The following TCF12 variants were observed in gnomAD, a reference collection of about 807,000 sequenced individuals.
TCF12 encodes the protein transcription factor 12, also known as DNA-binding protein HTF4.
TCF12 carries 45 observed loss-of-function variants against 86.0 expected under a neutral mutation model. That is an observed-to-expected ratio of 0.52 (90% confidence interval 0.41 to 0.67). TCF12 has a LOEUF of 0.67. TCF12 is among the 30% of genes least tolerant of loss of function. The pLI is 0.00. For missense variants in TCF12, 881 were observed against 859.9 expected, an observed-to-expected ratio of 1.02 and a Z score of -0.31; for synonymous variants, 330 against 299.6, an observed-to-expected ratio of 1.10 and a Z score of -1.05.
chr15:57,185,431 A>T (rs2056610632), intron 6 of TCF12, among the ~76,000 whole-genome samples: 3 of 152,228 alleles, frequency 2.0e-5, no homozygotes, highest in African/African-American at 7.2e-5. Flanking sequence ...AGAAGAAGCA[A>T]GCACCAAATC....
At chr15:57,017,345 C>T (rs2065211558) in intron 3 of TCF12, among the ~76,000 whole-genome samples, 1 of 152,208 alleles carries the variant, frequency 6.6e-6, no homozygotes, top group African/African-American at 2.4e-5. Context: ...CAAGTTATCG[C>T]CCTTGAGACA....
At chr15:57,022,279 C>T (rs1444903586) in intron 3 of TCF12, among the ~76,000 whole-genome samples, 1 of 151,962 alleles carries the variant, frequency 6.6e-6, no homozygotes, top group Non-Finnish European at 1.5e-5. Flanking sequence ...CAAGTGTTCT[C>T]ATTGTTCATT....
At chr15:57,060,709 G>A (rs541039561) in intron 3 of TCF12, among the ~76,000 whole-genome samples, 1 of 152,194 alleles carries the variant, frequency 6.6e-6, no homozygotes, top group Non-Finnish European at 1.5e-5. Flanking sequence ...TCTCATCACT[G>A]TATTGCAACT....
chr15:57,141,831 G>A (rs1051188993), intron 5 of TCF12, among the ~76,000 whole-genome samples: 5 of 152,276 alleles, frequency 3.3e-5, no homozygotes, highest in South Asian at 2.1e-4. Flanking sequence ...GGGACACAGG[G>A]GCAGTTGCTG....
At chr15:56,974,228 G>C (rs1392680760) in intron 3 of TCF12, among the ~76,000 whole-genome samples, 1 of 152,018 alleles carries the variant, frequency 6.6e-6, no homozygotes, top group African/African-American at 2.4e-5. Context: ...GAAATATATA[G>C]AGTAATAAAG....
At chr15:57,116,162 G>A (rs996020752) in intron 5 of TCF12, among the ~76,000 whole-genome samples, 1 of 152,076 alleles carries the variant, frequency 6.6e-6, no homozygotes, top group Non-Finnish European at 1.5e-5. Context: ...TAGTGATAGG[G>A]AAGTATTGGT....
At chr15:57,142,304 T>TAGATAGATAGATAGATAGATAGATAG (rs2053028299) in intron 5 of TCF12, among the ~76,000 whole-genome samples, 1 of 149,612 alleles carries the variant, frequency 6.7e-6, no homozygotes, top group Non-Finnish European at 1.5e-5. Flanking sequence ...CTCACACTTT[T>TAGATAGATAGATAGATAGATAGATAG]ATAGATAGAT....
At chr15:57,290,362 G>T (rs1009252928), downstream of TCF12, among the ~76,000 whole-genome samples, 1 of 140,254 alleles carries the variant, frequency 7.1e-6, no homozygotes, top group Non-Finnish European at 1.5e-5. Context: ...AAAAAAAAAA[G>T]AGTGAGCCAG....
intron 8 of TCF12, among the ~76,000 whole-genome samples, chr15:57,223,059 A>T (rs2058677674): frequency 2.0e-5 from 3 of 151,914 alleles, no homozygotes; most frequent in Admixed American, 6.6e-5. Flanking sequence ...AACTAATTTG[A>T]TTGTAAGGGC....
chr15:57,248,831 A>G, intron 13 of TCF12, among the ~76,000 whole-genome samples: 1 of 152,216 alleles, frequency 6.6e-6, no homozygotes, highest in South Asian at 2.1e-4. Context: ...TATGTAGATG[A>G]TTACCCAGGT....
intron 8 of TCF12, among the ~76,000 whole-genome samples, chr15:57,214,757 G>A (rs941579155): frequency 3.3e-5 from 5 of 152,104 alleles, no homozygotes; most frequent in African/African-American, 4.8e-5. Context: ...GTTTGGTTAA[G>A]ATTTTGGTAA....
rs71113040 is a variant in TCF12 at position 56,950,745 on chromosome 15, G to GTT, written c.148+29674_148+29675dup. Among the ~76,000 whole-genome samples the GTT allele has an allele frequency of 3.1e-4, 27 of 85,902 alleles. 6 individuals carry two copies. The highest frequency in any genetic ancestry group is 3.5e-4 in the Non-Finnish European group (17 of 48,424). 56.4% of individuals were successfully genotyped at this position (85,902 alleles called of 152,430 possible). A position where few individuals can be genotyped will look rare whatever the true frequency, so the allele number is the denominator to read the frequency against. On this transcript the variant is annotated intron_variant, in intron 3 of 20. Transcript: ENST00000333725. ...TTACAAATAAAGCTATTATGACCATGTTTTTTTTTTTTTTTTTTTTTTTTT... is the reference window on the plus strand; with the variant it reads ...TTACAAATAAAGCTATTATGACCATGTTTTTTTTTTTTTTTTTTTTTTTTTTT...
At chr15:57,115,870 A>G (rs752251640) in intron 5 of TCF12, among the ~76,000 whole-genome samples, 2 of 152,088 alleles carry the variant, frequency 1.3e-5, no homozygotes, top group Non-Finnish European at 2.9e-5. Flanking sequence ...ATAGGAGAAG[A>G]TTGTAAGATG....
intron 7 of TCF12, among the ~76,000 whole-genome samples, chr15:57,195,701 A>T (rs538935745): frequency 6.6e-6 from 1 of 152,182 alleles, no homozygotes; most frequent in East Asian, 1.9e-4. Flanking sequence ...TCCCAGTCCA[A>T]AGTTAAATGG....
At chr15:56,923,603 G>A (rs2140194322) in intron 3 of TCF12, among the ~76,000 whole-genome samples, 1 of 152,242 alleles carries the variant, frequency 6.6e-6, no homozygotes, top group Non-Finnish European at 1.5e-5. Flanking sequence ...ACAAAGGGCA[G>A]TGTATAGAAG....
chr15:57,109,735 A>C (rs2733331), intron 5 of TCF12, among the ~76,000 whole-genome samples: 152,028 of 152,278 alleles, frequency 1, 75,890 homozygotes, highest in Middle Eastern at 1. Flanking sequence ...GCCTTTCTAC[A>C]TTCATAAAAA....
At chr15:57,120,441 G>A (rs866487911) in intron 5 of TCF12, among the ~76,000 whole-genome samples, 2 of 152,140 alleles carry the variant, frequency 1.3e-5, no homozygotes, top group African/African-American at 2.4e-5. Context: ...ATAATTGTTT[G>A]TTGAACTGCT....
chr15:57,139,664 A>T (rs573430839), intron 5 of TCF12, among the ~76,000 whole-genome samples: 36 of 152,330 alleles, frequency 2.4e-4, no homozygotes, highest in Non-Finnish European at 3.7e-4. Context: ...AACCAAAAAA[A>T]AAAAGTTAGA....
intron 3 of TCF12, among the ~76,000 whole-genome samples, chr15:57,045,683 C>T (rs12437777): frequency 0.04 from 6,130 of 152,144 alleles, 376 homozygotes; most frequent in Admixed American, 0.17. Context: ...GTATGTAGGA[C>T]TACAGGCACA....
Sources: gnomAD v4.1 joint callset for allele counts (sites outside exome capture counted in the v4.1 genomes callset) on GRCh38, gnomAD v4.1.1 for gene constraint, MANE v1.5 for transcripts, NCBI Gene and HGNC (gene_info 2026-07-23, HGNC 2026-07-21) for gene names.